The following SCEL variants were observed in gnomAD, a reference collection of about 807,000 sequenced individuals.
The protein encoded by SCEL is sciellin.
Under a neutral mutation model 117.6 loss-of-function variants are expected in SCEL, and 113 were observed. That is an observed-to-expected ratio of 0.96 (90% CI 0.83 to 1.12). The LOEUF (loss-of-function observed/expected upper bound fraction) is 1.12. Among genes scored for constraint, SCEL ranks in the 50% most tolerant of loss-of-function variants. SCEL has a pLI of 0.00. For synonymous variants in SCEL, 270 were observed against 256.2 expected, an observed-to-expected ratio of 1.05 and a Z score of -0.51; for missense variants, 785 against 810.8, an observed-to-expected ratio of 0.97 and a Z score of 0.39.
intron 4 of SCEL, among the ~76,000 whole-genome samples, chr13:77,560,657 A>T (rs1017693968): frequency 6.6e-6 from 1 of 152,254 alleles, no homozygotes; most frequent in African/African-American, 2.4e-5. Flanking sequence ...AAGACAAAAC[A>T]GTAATCACAA....
chr13:77,561,587 C>T (rs772919548), intron 4 of SCEL, among the ~76,000 whole-genome samples: 54 of 152,232 alleles, frequency 3.5e-4, no homozygotes, highest in Non-Finnish European at 7.2e-4. Flanking sequence ...TGAACAGCCA[C>T]TTTGGAGCAC....
At chr13:77,613,053 A>G (rs997488020) in intron 23 of SCEL, 112 bp downstream of exon 23, 3 of 643,852 alleles carry the variant, frequency 4.7e-6, no homozygotes, top group Admixed American at 3.5e-5. Flanking sequence ...AAAAAAAATG[A>G]GAACAAGTTG....
intron 3 of SCEL, among the ~76,000 whole-genome samples, chr13:77,558,810 T>G (rs1183842793): frequency 8.3e-6 from 1 of 120,556 alleles, no homozygotes. Context: ...AGAGCAAGAC[T>G]CTGTCTTACA....
intron 19 of SCEL, among the ~76,000 whole-genome samples, chr13:77,607,706 C>T (rs1463111758): frequency 6.6e-6 from 1 of 152,140 alleles, no homozygotes; most frequent in African/African-American, 2.4e-5. Flanking sequence ...CTTCATGAAA[C>T]AAGTATATAG....
At chr13:77,637,269 C>T (rs548427189) in intron 30 of SCEL, 75 bp downstream of exon 30, 708 of 341,372 alleles carry the variant, frequency 2.1e-3, no homozygotes, top group South Asian at 6.0e-3. Flanking sequence ...TATATATATA[C>T]ACACACACAG....
chr13:77,582,286 G>T lies in SCEL; in HGVS notation c.546-6858G>T, dbSNP rs549156202. Among the ~76,000 whole-genome samples, 81 of 152,262 alleles carry T rather than the reference G, an allele frequency of 5.3e-4. 1 individual carries two copies. The highest frequency in any genetic ancestry group is 8.8e-4 in the Non-Finnish European group (60 of 68,014). On this transcript the variant is annotated intron_variant, in intron 9 of 32. Coordinates refer to ENST00000349847, the MANE Select transcript of SCEL (RefSeq NM_144777.3). ...CTGTTGCCCAGGCTGGAGTGCAGTG[G>T]TGTGATCTCGGCTCACTGCAACCTC... is the stretch of plus-strand genomic sequence containing the variant.
chr13:77,545,005 A>G (rs936514288), intron 1 of SCEL, among the ~76,000 whole-genome samples: 5 of 152,198 alleles, frequency 3.3e-5, no homozygotes, highest in African/African-American at 1.2e-4. Flanking sequence ...TCAGACTTTG[A>G]CGTTATGATT....
At chr13:77,545,307 A>G (rs1272435827) in intron 1 of SCEL, among the ~76,000 whole-genome samples, 1 of 152,204 alleles carries the variant, frequency 6.6e-6, no homozygotes, top group Non-Finnish European at 1.5e-5. Flanking sequence ...CAAAGTGTCA[A>G]TATGTGGGTG....
intron 27 of SCEL, among the ~76,000 whole-genome samples, chr13:77,623,815 C>T (rs74095825): frequency 2.6e-4 from 39 of 152,218 alleles, no homozygotes; most frequent in African/African-American, 9.2e-4. Context: ...GAGTTGAAAG[C>T]CAGGAGGAGT....
At chr13:77,604,855 ATGTGTGTATAAATGCG>A (rs1411301909) in intron 19 of SCEL, among the ~76,000 whole-genome samples, 1 of 152,048 alleles carries the variant, frequency 6.6e-6, no homozygotes, top group East Asian at 1.9e-4. Context: ...ATTTAAGTGC[ATGTGTGTATAAATGCG>A]TGTGTGTATA....
intron 28 of SCEL, among the ~76,000 whole-genome samples, chr13:77,628,576 C>A (rs1013778494): frequency 1.3e-5 from 2 of 152,208 alleles, no homozygotes; most frequent in East Asian, 3.9e-4. Context: ...TCATTTTTGT[C>A]ACAGACTGTA....
intron 5 of SCEL, among the ~76,000 whole-genome samples, chr13:77,565,573 G>A (rs1411726443): frequency 2.0e-5 from 3 of 152,174 alleles, no homozygotes; most frequent in Non-Finnish European, 4.4e-5. Context: ...CCTGTTAGCA[G>A]GAGCTGAACT....
chr13:77,636,838 C>A (rs1394154948), intron 29 of SCEL, among the ~76,000 whole-genome samples: 1 of 152,094 alleles, frequency 6.6e-6, no homozygotes, highest in African/African-American at 2.4e-5. Flanking sequence ...AGATGAGGTG[C>A]AAGTATAAAT....
intron 5 of SCEL, 129 bp from the exon 6 acceptor site, chr13:77,567,551 A>G: frequency 1.5e-6 from 1 of 653,146 alleles, no homozygotes; most frequent in Admixed American, 3.1e-5. Context: ...CTAAAATGTA[A>G]CACTTGAAAA....
At chr13:77,583,988 C>T (rs906354729) in intron 9 of SCEL, among the ~76,000 whole-genome samples, 7 of 152,198 alleles carry the variant, frequency 4.6e-5, no homozygotes, top group Non-Finnish European at 2.9e-5. Context: ...GTGAAATCCA[C>T]GTTTTTTATT....
At chr13:77,574,670 A>G (rs2085832319) in intron 9 of SCEL, among the ~76,000 whole-genome samples, 1 of 152,216 alleles carries the variant, frequency 6.6e-6, no homozygotes, top group South Asian at 2.1e-4. Context: ...TCTGGAAAGT[A>G]GAAGCAATTA....
At chr13:77,563,800 T>G (rs1196773991) in intron 4 of SCEL, 31 bp from the exon 5 acceptor site, 5 of 1,531,314 alleles carry the variant, frequency 3.3e-6, no homozygotes, top group Non-Finnish European at 4.4e-6. Context: ...TGATTTGATT[T>G]TTTTTTTTTT....
chr13:77,629,705 A>G (rs903209263), intron 28 of SCEL, among the ~76,000 whole-genome samples: 1 of 152,180 alleles, frequency 6.6e-6, no homozygotes, highest in Non-Finnish European at 1.5e-5. Context: ...GTGATCGGAG[A>G]CTTCAGAATG....
At chr13:77,635,489 A>G (rs1248655287) in intron 29 of SCEL, among the ~76,000 whole-genome samples, 5 of 152,142 alleles carry the variant, frequency 3.3e-5, no homozygotes, top group Non-Finnish European at 2.9e-5. Flanking sequence ...AATCTCTCAC[A>G]TTTTTATCCT....
Sources: allele counts gnomAD v4.1 joint callset (sites outside exome capture counted in the v4.1 genomes callset), GRCh38; gene constraint gnomAD v4.1.1; transcripts MANE v1.5; gene names NCBI Gene and HGNC (gene_info 2026-07-23, HGNC 2026-07-21).